The following CYP7B1 variants were observed in gnomAD, a reference collection of about 807,000 sequenced individuals.
The protein encoded by CYP7B1 is cytochrome P450 7B1.
CYP7B1 carries 29 observed loss-of-function variants against 42.7 expected under a neutral mutation model. The observed-to-expected ratio is 0.68, with a 90% CI of 0.51 to 0.93. The LOEUF (loss-of-function observed/expected upper bound fraction) is 0.93, where lower values mean the gene tolerates loss of function less well. Ranked by LOEUF, CYP7B1 falls within the 40% of genes least tolerant of loss-of-function variation. The pLI, the probability that CYP7B1 is intolerant of heterozygous loss-of-function variation, is 0.00. For missense variants in CYP7B1, 655 were observed against 600.5 expected, an observed-to-expected ratio of 1.09 and a Z score of -0.95; for synonymous variants, 235 against 218.2, an observed-to-expected ratio of 1.08 and a Z score of -0.68.
chr8:64,702,223 A>C (rs559489335), intron 1 of CYP7B1, among the ~76,000 whole-genome samples: 7 of 152,236 alleles, frequency 4.6e-5, no homozygotes, highest in Admixed American at 3.9e-4. Flanking sequence ...GCACTGCACA[A>C]GAAATGAACA....
At chr8:64,679,665 T>G (rs1806506911) in intron 1 of CYP7B1, among the ~76,000 whole-genome samples, 3 of 152,212 alleles carry the variant, frequency 2.0e-5, no homozygotes, top group Admixed American at 2.0e-4. Context: ...TTATTCTCAT[T>G]AGGAAAACCA....
At chr8:64,792,071 G>A (rs1159139521) in intron 1 of CYP7B1, among the ~76,000 whole-genome samples, 2 of 152,160 alleles carry the variant, frequency 1.3e-5, no homozygotes, top group African/African-American at 4.8e-5. Context: ...ACTAAGGAAT[G>A]TGTTATTGGA....
At chr8:64,654,648 C>G (rs553129353) in intron 1 of CYP7B1, among the ~76,000 whole-genome samples, 5 of 152,296 alleles carry the variant, frequency 3.3e-5, no homozygotes, top group African/African-American at 7.2e-5. Flanking sequence ...AAATGACATT[C>G]TTCACAGAAC....
At chr8:64,690,527 A>C (rs1008869425) in intron 1 of CYP7B1, among the ~76,000 whole-genome samples, 1 of 152,200 alleles carries the variant, frequency 6.6e-6, no homozygotes, top group Admixed American at 6.5e-5. Flanking sequence ...TGAGGCCATA[A>C]AAATTTCTAA....
At chr8:64,613,528 A>G (rs1013426133) in intron 4 of CYP7B1, among the ~76,000 whole-genome samples, 1 of 152,130 alleles carries the variant, frequency 6.6e-6, no homozygotes, top group African/African-American at 2.4e-5. Flanking sequence ...AACTGCTTGA[A>G]TGTATGGGAA....
chr8:64,645,162 G>T (rs1663621859), intron 1 of CYP7B1, among the ~76,000 whole-genome samples: 1 of 150,484 alleles, frequency 6.6e-6, no homozygotes, highest in South Asian at 2.1e-4. Context: ...GTCTATCATT[G>T]TTGGACATTT....
At chr8:64,755,392 C>T (rs1187644039) in intron 1 of CYP7B1, among the ~76,000 whole-genome samples, 1 of 152,044 alleles carries the variant, frequency 6.6e-6, no homozygotes, top group Non-Finnish European at 1.5e-5. Flanking sequence ...TCCTGTTAAC[C>T]AGAGTCCGGC....
At chr8:64,600,145 G>T (rs1038533806) in intron 5 of CYP7B1, among the ~76,000 whole-genome samples, 2 of 152,156 alleles carry the variant, frequency 1.3e-5, no homozygotes, top group Admixed American at 6.5e-5. Context: ...ATGATGAGTC[G>T]ATGAATATTC....
At chr8:64,759,119 A>G (rs775281756) in intron 1 of CYP7B1, among the ~76,000 whole-genome samples, 1 of 152,202 alleles carries the variant, frequency 6.6e-6, no homozygotes, top group Non-Finnish European at 1.5e-5. Context: ...GCTCTAAATC[A>G]ATGATTGAGG....
At chr8:64,586,992 A>G (rs1804976474), downstream of CYP7B1, among the ~76,000 whole-genome samples, 1 of 152,076 alleles carries the variant, frequency 6.6e-6, no homozygotes, top group Admixed American at 6.5e-5. Context: ...AGTAGAAACA[A>G]CTCTTACGGT....
intron 1 of CYP7B1, among the ~76,000 whole-genome samples, chr8:64,707,049 A>T (rs1807010400): frequency 6.6e-6 from 1 of 152,034 alleles, no homozygotes; most frequent in Non-Finnish European, 1.5e-5. Context: ...ACAATAATAA[A>T]TTTATATACA....
At chr8:64,620,898 A>G (rs948675209) in intron 2 of CYP7B1, among the ~76,000 whole-genome samples, 2 of 152,242 alleles carry the variant, frequency 1.3e-5, no homozygotes, top group African/African-American at 4.8e-5. Context: ...AAGCATCAGC[A>G]GAAATTGGCT....
At chr8:64,701,647 G>T (rs1806917842) in intron 1 of CYP7B1, among the ~76,000 whole-genome samples, 1 of 152,172 alleles carries the variant, frequency 6.6e-6, no homozygotes, top group Admixed American at 6.5e-5. Flanking sequence ...CTCTCTATTT[G>T]ACGATAATGT....
chr8:64,753,914 G>T (rs1310818233), intron 1 of CYP7B1, among the ~76,000 whole-genome samples: 1 of 152,186 alleles, frequency 6.6e-6, no homozygotes, highest in Admixed American at 6.5e-5. Flanking sequence ...ATGCAACAAA[G>T]AGGCCAGTGT....
intron 1 of CYP7B1, among the ~76,000 whole-genome samples, chr8:64,625,863 T>A (rs74554962): frequency 0.027 from 4,053 of 152,094 alleles, 165 homozygotes; most frequent in African/African-American, 0.092. Flanking sequence ...CTTTTTTTTT[T>A]AAATCTTAAA....
chr8:64,772,955 AT>A (rs1342827946), intron 1 of CYP7B1, among the ~76,000 whole-genome samples: 1 of 152,012 alleles, frequency 6.6e-6, no homozygotes, highest in East Asian at 1.9e-4. Flanking sequence ...ACTTTGTCCA[AT>A]TATTTGCTCA....
At chr8:64,690,782 TCTC>T (rs1216513616) in intron 1 of CYP7B1, among the ~76,000 whole-genome samples, 2 of 152,210 alleles carry the variant, frequency 1.3e-5, no homozygotes, top group African/African-American at 4.8e-5. Flanking sequence ...TGGAACTACT[TCTC>T]CTGTTCACTC....
At chr8:64,747,567 G>A (rs1003764762) in intron 1 of CYP7B1, among the ~76,000 whole-genome samples, 3 of 151,814 alleles carry the variant, frequency 2.0e-5, no homozygotes, top group Non-Finnish European at 2.9e-5. Flanking sequence ...TAAGGAGGAG[G>A]ATGAGGAAGA....
chr8:64,588,298 C>T (rs1804994979), downstream of CYP7B1, among the ~76,000 whole-genome samples: 1 of 152,144 alleles, frequency 6.6e-6, no homozygotes. Flanking sequence ...GCTAACCACC[C>T]ATAAATTAAC....
Sources: allele counts gnomAD v4.1 joint callset (sites outside exome capture counted in the v4.1 genomes callset), GRCh38; gene constraint gnomAD v4.1.1; transcripts MANE v1.5; gene names NCBI Gene and HGNC (gene_info 2026-07-23, HGNC 2026-07-21).